ZNF654: variants seen among roughly 807,000 people sequenced by gnomAD.
ZNF654 encodes the protein melanoma-associated antigen.
A neutral mutation model predicts 95.3 loss-of-function variants in ZNF654; 19 were observed. That is an observed-to-expected ratio of 0.20 (90% CI 0.14 to 0.29). The LOEUF is 0.29. ZNF654 is among the 10% of genes least tolerant of loss of function. The pLI is 1.00. For synonymous variants in ZNF654, 413 were observed against 457.9 expected (o/e 0.90, Z 1.25); for missense variants, 1,046 against 1,341.0 (o/e 0.78, Z 3.44).
At chr3:88,116,940 A>G (rs1420391574) in intron 3 of ZNF654, among the ~76,000 whole-genome samples, 2 of 152,198 alleles carry the variant, frequency 1.3e-5, no homozygotes, top group African/African-American at 4.8e-5. Flanking sequence ...ACTAAAGAGG[A>G]TAAATACCTC....
Position 88,105,147 on chromosome 3 carries a change from A to T in ZNF654, c.333-7968A>T, listed in dbSNP as rs28649211. Among the ~76,000 whole-genome samples, 1,318 of 152,326 alleles carry T rather than the reference A, an allele frequency of 8.7e-3. 18 individuals carry two copies. The highest frequency in any genetic ancestry group is 0.03 in the African/African-American group (1,266 of 41,566). The stretch of plus-strand genomic sequence containing the variant: ...GAGCAAGACTCCATCTCAGAAAACA[A>T]ACATAAATTACATAAAATTCAAATG... On this transcript the variant is annotated intron_variant, in intron 2 of 8. Transcript: ENST00000636215.
intron 4 of ZNF654, among the ~76,000 whole-genome samples, chr3:88,127,785 C>T (rs1706207984): frequency 6.6e-6 from 1 of 152,122 alleles, no homozygotes; most frequent in Non-Finnish European, 1.5e-5. Context: ...TACTAGCATA[C>T]CTCACACTTT....
In ZNF654 at chr3:88,129,678, C is replaced by T. The variant is rs1028924158; in HGVS notation, c.754-9C>T. 53 of 1,447,548 alleles carry T rather than the reference C, an allele frequency of 3.7e-5. No homozygotes were observed. Among genetic ancestry groups the T allele is most frequent in the Non-Finnish European group, 3.4e-5 (37 of 1,093,140 alleles). The allele number at this position is 1,447,548 out of a possible 1,614,324, so 89.7% of individuals were successfully genotyped here. On this transcript the variant is annotated splice_polypyrimidine_tract_variant and intron_variant, in intron 5 of 8. Coordinates refer to ENST00000636215, the MANE Select transcript of ZNF654 (RefSeq NM_001350134.2). ...ATTATATGAACTGATTTCTCTTTTC[C>T]TCTTACAGCATTTATTGAAAACTGA...
At chr3:88,141,343 T>TC (rs5850831) in intron 8 of ZNF654, among the ~76,000 whole-genome samples, 118,994 of 151,896 alleles carry the variant, frequency 0.78, 47,532 homozygotes, top group South Asian at 0.91. Context: ...TTATACTTCT[T>TC]CACTGTATCA....
intron 1 of ZNF654, among the ~76,000 whole-genome samples, chr3:88,067,884 T>G (rs1239572617): frequency 6.6e-6 from 1 of 151,822 alleles, no homozygotes; most frequent in Non-Finnish European, 1.5e-5. Context: ...TTTCTTTTCT[T>G]TCTTTTTTTT....
intron 1 of ZNF654, among the ~76,000 whole-genome samples, chr3:88,076,704 C>G (rs1421722852): frequency 6.6e-6 from 1 of 152,070 alleles, no homozygotes; most frequent in African/African-American, 2.4e-5. Flanking sequence ...TTTTGGGGTT[C>G]CCTTGTCCAT....
chr3:88,126,943 C>T (rs866195474), intron 4 of ZNF654, among the ~76,000 whole-genome samples: 3 of 152,220 alleles, frequency 2.0e-5, no homozygotes, highest in Middle Eastern at 3.4e-3. Context: ...GATTTAACAG[C>T]GGTCCTTTGT....
chr3:88,068,306 G>A (rs1707316498), intron 1 of ZNF654, among the ~76,000 whole-genome samples: 1 of 152,066 alleles, frequency 6.6e-6, no homozygotes, highest in Admixed American at 6.6e-5. Flanking sequence ...TTAACTTTGA[G>A]ACAGAAAGGG....
At chr3:88,114,303 A>G (rs541890734) in intron 3 of ZNF654, among the ~76,000 whole-genome samples, 1 of 152,318 alleles carries the variant, frequency 6.6e-6, no homozygotes, top group Non-Finnish European at 1.5e-5. Context: ...AATACCTCAT[A>G]GAGATGTTGG....
intron 1 of ZNF654, among the ~76,000 whole-genome samples, chr3:88,074,377 T>C (rs2107624109): frequency 6.6e-6 from 1 of 151,758 alleles, no homozygotes; most frequent in South Asian, 2.1e-4. Context: ...AGTCTTGCTT[T>C]ATCGCCCAGG....
At chr3:88,096,603 G>A (rs1704075677) in intron 2 of ZNF654, among the ~76,000 whole-genome samples, 1 of 152,054 alleles carries the variant, frequency 6.6e-6, no homozygotes, top group Admixed American at 6.6e-5. Flanking sequence ...AGTCCATCCA[G>A]TGTCTTCTGG....
chr3:88,097,411 T>C (rs1704128289), intron 2 of ZNF654, among the ~76,000 whole-genome samples: 1 of 151,950 alleles, frequency 6.6e-6, no homozygotes, highest in African/African-American at 2.4e-5. Flanking sequence ...CTGTCAATAT[T>C]AGACAGATCA....
At chr3:88,128,702 T>G (rs1706269023) in intron 4 of ZNF654, 107 bp from the exon 5 acceptor site, 1 of 696,360 alleles carries the variant, frequency 1.4e-6, no homozygotes, top group Non-Finnish European at 2.3e-6. Context: ...GCTATTTAAG[T>G]AGTTAAATCT....
intron 1 of ZNF654, among the ~76,000 whole-genome samples, chr3:88,060,243 T>G (rs1706789793): frequency 6.6e-6 from 1 of 152,184 alleles, no homozygotes; most frequent in South Asian, 2.1e-4. Flanking sequence ...CTTCAATATA[T>G]AATGTATTTT....
At chr3:88,078,020 G>C (rs1707904401) in intron 1 of ZNF654, among the ~76,000 whole-genome samples, 1 of 152,040 alleles carries the variant, frequency 6.6e-6, no homozygotes, top group African/African-American at 2.4e-5. Flanking sequence ...AAATTTCTTT[G>C]TATTTAATAT....
rs1707147334 is a variant in ZNF654, at chr3:88,141,784, A to C, written c.*132A>C. On this transcript the variant is annotated 3_prime_UTR_variant, in exon 9 of 9. Transcript: ENST00000636215. ...TGGTCTTGGATTACTAAAGATAAAG[A>C]CAAAGCACATTTTCTAGAATGAACT... The C allele has an allele frequency of 1.6e-6, 1 of 611,966 alleles. No homozygotes were observed. Among genetic ancestry groups the C allele is most frequent in the Admixed American group, 3.5e-5 (1 of 28,352 alleles). The allele number at this position is 611,966 out of a possible 1,614,324, so 37.9% of individuals were successfully genotyped here.
intron 3 of ZNF654, among the ~76,000 whole-genome samples, chr3:88,113,808 T>TTG (rs1326740369): frequency 1.2e-4 from 9 of 72,204 alleles, no homozygotes; most frequent in African/African-American, 3.2e-4. Context: ...AGAACTGAAA[T>TTG]ATACAGACAA....
chr3:88,067,841 G>GT (rs1038219578), intron 1 of ZNF654, among the ~76,000 whole-genome samples: 1 of 151,912 alleles, frequency 6.6e-6, no homozygotes, highest in African/African-American at 2.4e-5. Flanking sequence ...AGATATGGTG[G>GT]TAACTGGAGG....
chr3:88,082,129 ATT>A (rs780949287), intron 1 of ZNF654, among the ~76,000 whole-genome samples: 8 of 141,674 alleles, frequency 5.6e-5, no homozygotes, highest in Admixed American at 7.1e-5. Context: ...TTGTTAATCA[ATT>A]TTTTTTTTTT....
Sources: allele counts gnomAD v4.1 joint callset (sites outside exome capture counted in the v4.1 genomes callset), GRCh38; gene constraint gnomAD v4.1.1; transcripts MANE v1.5; gene names NCBI Gene and HGNC (gene_info 2026-07-23, HGNC 2026-07-21).